The following IPO8 variants were observed in gnomAD, a reference collection of about 807,000 sequenced individuals.
IPO8 encodes the protein importin-8.
IPO8 carries 65 observed loss-of-function variants against 141.2 expected under a neutral mutation model. That is an observed-to-expected ratio of 0.46 (90% CI 0.38 to 0.57). IPO8 has a LOEUF of 0.57. Ranked by LOEUF, IPO8 falls within the 20% of genes least tolerant of loss-of-function variation. The pLI, the probability that IPO8 is intolerant of heterozygous loss-of-function variation, is 0.00. For synonymous variants in IPO8, 411 were observed against 420.3 expected (o/e 0.98, Z 0.27); for missense variants, 980 against 1,246.8 (o/e 0.79, Z 3.22).
At chr12:30,656,573 C>G in intron 17 of IPO8, 111 bp downstream of exon 17, 1 of 559,584 alleles carries the variant, frequency 1.8e-6, no homozygotes, top group Non-Finnish European at 3.1e-6. Flanking sequence ...GATTATGCTT[C>G]TCTTTCTCAA....
At chr12:30,651,650 A>T (rs747256217) in intron 19 of IPO8, among the ~76,000 whole-genome samples, 4 of 152,120 alleles carry the variant, frequency 2.6e-5, no homozygotes, top group Non-Finnish European at 5.9e-5. Flanking sequence ...ATCCCAAAAG[A>T]TAACCAATAG....
rs929714874 is a variant in IPO8 at position 30,657,904 on chromosome 12, T to TA, written c.1882-1155dup. ...TCTAGAAGGACCCGAAAACCTGGTT[T>TA]AAAAAAAAGGAAAAAAATAGCTGCT... On this transcript the variant is annotated intron_variant, in intron 16 of 24. Coordinates refer to ENST00000256079, the MANE Select transcript of IPO8 (RefSeq NM_006390.4). Among the ~76,000 whole-genome samples the TA allele has an allele frequency of 1.6e-3, 250 of 151,864 alleles. 3 individuals are homozygous for TA. Among genetic ancestry groups the TA allele is most frequent in the African/African-American group, 5.7e-3 (237 of 41,408 alleles).
intron 20 of IPO8, among the ~76,000 whole-genome samples, chr12:30,643,261 T>G (rs1161135802): frequency 6.6e-6 from 1 of 152,118 alleles, no homozygotes; most frequent in African/African-American, 2.4e-5. Flanking sequence ...TGAGCCAAGA[T>G]CATGCCATTT....
chr12:30,688,296 A>T (rs1425835811), intron 2 of IPO8: 1 of 310,760 alleles, frequency 3.2e-6, no homozygotes, highest in African/African-American at 2.3e-5. Flanking sequence ...GCTTGGCAAC[A>T]TCAAAATACT....
chr12:30,643,856 T>C (rs1170721246), intron 20 of IPO8, among the ~76,000 whole-genome samples: 1 of 152,218 alleles, frequency 6.6e-6, no homozygotes, highest in Non-Finnish European at 1.5e-5. Context: ...ATGGATTTAT[T>C]CTATAGTCTT....
Position 30,690,489 on chromosome 12 carries a change from A to G in IPO8, c.166+7T>C. Reference sequence around the variant, plus strand: ...ATAAATTTATAAAGGATAAAAAACCAACTCACCTGCCTGTCGTACTGGGAA... The same window carrying G: ...ATAAATTTATAAAGGATAAAAAACCGACTCACCTGCCTGTCGTACTGGGAA... On this transcript the variant is annotated splice_region_variant and intron_variant, in intron 2 of 24. Transcript: ENST00000256079. The G allele has an allele frequency of 6.4e-7, 1 of 1,550,420 alleles. No individual in the cohort carries two copies. Among genetic ancestry groups the G allele is most frequent in the Non-Finnish European group, 8.8e-7 (1 of 1,135,924 alleles).
At chr12:30,684,066 C>A (rs1184538532) in intron 3 of IPO8, among the ~76,000 whole-genome samples, 1 of 152,062 alleles carries the variant, frequency 6.6e-6, no homozygotes, top group Non-Finnish European at 1.5e-5. Context: ...TTTTTTAAAT[C>A]TTACCTCTTT....
intron 20 of IPO8, among the ~76,000 whole-genome samples, chr12:30,644,656 T>G (rs1206826772): frequency 3.6e-5 from 5 of 140,058 alleles, no homozygotes; most frequent in Non-Finnish European, 6.5e-5. Flanking sequence ...TTTTTTTGTT[T>G]TTTTTTTTTT....
chr12:30,649,022 G>T, intron 20 of IPO8, 115 bp downstream of exon 20: 2 of 623,040 alleles, frequency 3.2e-6, no homozygotes, highest in Non-Finnish European at 5.4e-6. Context: ...GCACCAGAAA[G>T]CACAATCTAT....
chr12:30,691,959 A>G (rs1278134187), intron 1 of IPO8, among the ~76,000 whole-genome samples: 2 of 152,146 alleles, frequency 1.3e-5, no homozygotes, highest in African/African-American at 4.8e-5. Context: ...ATTCTTTTTT[A>G]TCCATAATTG....
chr12:30,682,830 T>C (rs1185943727), intron 3 of IPO8, among the ~76,000 whole-genome samples: 1 of 152,130 alleles, frequency 6.6e-6, no homozygotes, highest in East Asian at 1.9e-4. Flanking sequence ...ATCAAATCTA[T>C]TTGAAAAATC....
chr12:30,689,573 G>T (rs1178225762), intron 2 of IPO8, among the ~76,000 whole-genome samples: 1 of 152,040 alleles, frequency 6.6e-6, no homozygotes, highest in Non-Finnish European at 1.5e-5. Flanking sequence ...TCTTCCCAAA[G>T]CTTAATATTT....
rs955464821 is a variant in IPO8 at position 30,675,956 on chromosome 12, GTT to G, written c.729+540_729+541del. Among the ~76,000 whole-genome samples, 10 of 151,346 alleles carry G rather than the reference GTT, an allele frequency of 6.6e-5. No homozygotes were observed. In the East Asian group the frequency reaches 1.9e-3, roughly 29 times the overall value. On this transcript the variant is annotated intron_variant, in intron 6 of 24. Transcript: ENST00000256079. ...CTGAATTTCAAAATATTATCAATAC[GTT>G]TTTTTTCTTTTTTGAGATAGGGTCT...
intron 4 of IPO8, among the ~76,000 whole-genome samples, chr12:30,681,239 T>C (rs2053185937): frequency 6.6e-6 from 1 of 152,188 alleles, no homozygotes; most frequent in Non-Finnish European, 1.5e-5. Flanking sequence ...GTCCTCTACC[T>C]ACCCAAGCTA....
At chr12:30,644,648 T>TTG (rs1555113720) in intron 20 of IPO8, among the ~76,000 whole-genome samples, 6 of 148,632 alleles carry the variant, frequency 4.0e-5, no homozygotes, top group African/African-American at 4.9e-5. Flanking sequence ...GTGTTTTTTT[T>TTG]TTTTGTTTTT....
At chr12:30,645,133 G>C (rs138295752) in intron 20 of IPO8, among the ~76,000 whole-genome samples, 8,245 of 151,890 alleles carry the variant, frequency 0.054, 343 homozygotes, top group African/African-American at 0.12. Flanking sequence ...CAGCACTTTG[G>C]GGGGCTGAGG....
intron 1 of IPO8, among the ~76,000 whole-genome samples, chr12:30,691,696 G>C (rs749632299): frequency 9.2e-5 from 14 of 152,152 alleles, no homozygotes; most frequent in Non-Finnish European, 1.9e-4. Context: ...CTGGATCTGT[G>C]GGGGCATCCC....
In IPO8 at chr12:30,695,842, A is replaced by C. The variant is rs1276246178; in HGVS notation, c.-195T>G. The stretch of plus-strand genomic sequence containing the variant: ...CCCCTGTCCTCCCTTTTTCCCCCCC[A>C]CAACTCGCTCTCCATTCACCGTTTT... On this transcript the variant is annotated 5_prime_UTR_variant, in exon 1 of 25. Transcript: ENST00000256079. The surrounding 1 kb of genome is among the most constrained non-coding windows in gnomAD (Gnocchi z 4.2). 40 of 444,532 alleles carry C rather than the reference A, an allele frequency of 9.0e-5. No individual in the cohort carries two copies. The highest frequency in any genetic ancestry group is 8.2e-4 in the Middle Eastern group (2 of 2,436). 27.5% of individuals were successfully genotyped at this position (444,532 alleles called of 1,614,324 possible). A position where few individuals can be genotyped will look rare whatever the true frequency, so the allele number is the denominator to read the frequency against.
At chr12:30,632,829 T>C (rs1203242959) in intron 23 of IPO8, among the ~76,000 whole-genome samples, 2 of 152,196 alleles carry the variant, frequency 1.3e-5, no homozygotes, top group Non-Finnish European at 2.9e-5. Flanking sequence ...TTCAACGCTA[T>C]TCCAATGGGC....
Sources: allele counts gnomAD v4.1 joint callset (sites outside exome capture counted in the v4.1 genomes callset), GRCh38; gene constraint gnomAD v4.1.1; non-coding constraint Gnocchi (gnomAD v3.1); transcripts MANE v1.5; gene names NCBI Gene and HGNC (gene_info 2026-07-23, HGNC 2026-07-21).